Variants in BOP1 observed in about 807,000 individuals in gnomAD.
BOP1 encodes the protein ribosome biogenesis protein BOP1.
A neutral mutation model predicts 82.9 loss-of-function variants in BOP1; 54 were observed. The ratio of observed to expected loss-of-function variants is 0.65; its 90% CI spans 0.52 to 0.82. The LOEUF is 0.82. Among genes scored for constraint, BOP1 ranks in the 40% least tolerant of loss-of-function variants. The pLI, the probability that BOP1 is intolerant of heterozygous loss-of-function variation, is 0.00. For missense variants in BOP1, 1,170 were observed against 1,072.0 expected (o/e 1.09, Z -1.28); for synonymous variants, 566 against 451.1 (o/e 1.25, Z -3.23).
At chr8:144,271,168 C>G (rs1845486015) in intron 3 of BOP1, among the ~76,000 whole-genome samples, 1 of 152,224 alleles carries the variant, frequency 6.6e-6, no homozygotes, top group Non-Finnish European at 1.5e-5. Context: ...CCAGCCCAGA[C>G]TGCACCGGAC....
chr8:144,265,149 G>A lies in BOP1; in HGVS notation c.391-78C>T. The A allele has an allele frequency of 1.9e-6, 3 of 1,540,318 alleles. No individual in the cohort carries two copies. In the South Asian group the frequency reaches 3.7e-5, roughly 19 times the overall value. On this transcript the variant is annotated intron_variant, in intron 3 of 15. Coordinates refer to ENST00000569669, the MANE Select transcript of BOP1 (RefSeq NM_015201.5). ...CTTCGGGCCGCCCAGGGGAGCAGGTGAGGGGGTTGCAGGGGGAGTGCAGGC... is the reference window on the plus strand; with the variant it reads ...CTTCGGGCCGCCCAGGGGAGCAGGTAAGGGGGTTGCAGGGGGAGTGCAGGC...
chr8:144,266,699 G>GCAGCGA, intron 3 of BOP1: 5 of 1,230,870 alleles, frequency 4.1e-6, no homozygotes, highest in Non-Finnish European at 5.2e-6. Flanking sequence ...GAGGACCGCG[G>GCAGCGA]CAGCGACAGC....
intron 3 of BOP1, among the ~76,000 whole-genome samples, chr8:144,273,376 G>C (rs1359235330): frequency 4.7e-5 from 7 of 149,958 alleles, no homozygotes; most frequent in Admixed American, 4.6e-4. Context: ...CTGCACCCCA[G>C]CCCCAGACTC....
In BOP1 at chr8:144,264,111, T is replaced by G; in HGVS notation, c.1010A>C (p.Glu337Ala). The G allele has an allele frequency of 6.2e-7, 1 of 1,610,468 alleles. No homozygotes were observed. The highest frequency in any genetic ancestry group is 8.5e-7 in the Non-Finnish European group (1 of 1,179,284). The change falls in exon 8 of 16, where the codon GAG (glutamate) becomes GCG (alanine). Residue 337 changes from glutamate to alanine, a missense_variant. Transcript: ENST00000569669. Reference protein sequence around the residue: ...RLAWEQQEPGERKLSFLPRKF... With the variant: ...RLAWEQQEPGARKLSFLPRKF... ...GCGTGGCAAAAAGCTCAGCTTCCTC[T>G]CGCCTGGCTCCTGCTGTTCCCACGC... is the stretch of plus-strand genomic sequence containing the variant.
At chr8:144,265,162 G>A in intron 3 of BOP1, 91 bp from the exon 4 acceptor site, 2 of 1,447,028 alleles carry the variant, frequency 1.4e-6, no homozygotes, top group Non-Finnish European at 9.4e-7. Context: ...GGGGTTGCAG[G>A]GGGAGTGCAG....
chr8:144,275,154 C>G (rs1845549772), intron 3 of BOP1, among the ~76,000 whole-genome samples: 1 of 152,062 alleles, frequency 6.6e-6, no homozygotes, highest in African/African-American at 2.4e-5. Context: ...GGGGACAGTT[C>G]CTGACAGGCA....
chr8:144,278,126 C>A (rs943578913), intron 2 of BOP1, among the ~76,000 whole-genome samples: 7 of 152,132 alleles, frequency 4.6e-5, no homozygotes, highest in Non-Finnish European at 1.0e-4. Flanking sequence ...ACGAGAGTTG[C>A]GTGAGGGTGA....
At chr8:144,270,724 G>A (rs989181842) in intron 3 of BOP1, among the ~76,000 whole-genome samples, 2 of 152,138 alleles carry the variant, frequency 1.3e-5, no homozygotes, top group Non-Finnish European at 2.9e-5. Flanking sequence ...CCGGGCAGAC[G>A]AGTGGCAGGT....
intron 2 of BOP1, among the ~76,000 whole-genome samples, chr8:144,283,763 G>A (rs74632328): frequency 6.6e-6 from 1 of 152,238 alleles, no homozygotes; most frequent in African/African-American, 2.4e-5. Flanking sequence ...GCTGAGGGGC[G>A]GCTGCAGTAG....
chr8:144,275,320 G>T (rs1288390099), intron 3 of BOP1, among the ~76,000 whole-genome samples: 2 of 152,194 alleles, frequency 1.3e-5, no homozygotes, highest in African/African-American at 2.4e-5. Context: ...GGTATAGGCA[G>T]GCACTGCCTC....
At chr8:144,274,976 C>T (rs1452104398) in intron 3 of BOP1, among the ~76,000 whole-genome samples, 1 of 152,210 alleles carries the variant, frequency 6.6e-6, no homozygotes, top group African/African-American at 2.4e-5. Context: ...AGTGAGCCCG[C>T]TGCTCCGGCC....
chr8:144,288,719 T>C (rs979198282), intron 2 of BOP1, among the ~76,000 whole-genome samples: 2 of 151,898 alleles, frequency 1.3e-5, no homozygotes, highest in Non-Finnish European at 1.5e-5. Flanking sequence ...CTGGGTTCCG[T>C]TGGGGCCCCC....
chr8:144,263,947 T>C (rs1261343808), intron 8 of BOP1, 34 bp downstream of exon 8: 1 of 1,611,022 alleles, frequency 6.2e-7, no homozygotes, highest in East Asian at 2.2e-5. Flanking sequence ...CCTTGCCCCC[T>C]GTGCCACCCC....
intron 3 of BOP1, among the ~76,000 whole-genome samples, chr8:144,267,686 G>A (rs962708852): frequency 6.6e-6 from 1 of 152,202 alleles, no homozygotes; most frequent in East Asian, 1.9e-4. Context: ...AGGGCTGCCC[G>A]AGACGTGGGC....
chr8:144,263,419 A>T lies in BOP1; in HGVS notation c.1425-18T>A. The T allele has an allele frequency of 6.3e-7, 1 of 1,597,804 alleles. No individual in the cohort carries two copies. ...AGTCCTCCCTGTGAGCCAGGCCCAGACACGGCCCCTAAGCACAGTGCCACC... is the reference window on the plus strand; with the variant it reads ...AGTCCTCCCTGTGAGCCAGGCCCAGTCACGGCCCCTAAGCACAGTGCCACC... On this transcript the variant is annotated intron_variant, in intron 11 of 15. Coordinates refer to ENST00000569669, the MANE Select transcript of BOP1 (RefSeq NM_015201.5).
chr8:144,285,021 C>T lies in BOP1; in HGVS notation c.309+4074G>A, dbSNP rs1438551334. ...CTGTGGGGCTCTCCGCAGGACGCCCCGGGCCGGTCTGGGTTGGTTTGGGGC... is the reference window on the plus strand; with the variant it reads ...CTGTGGGGCTCTCCGCAGGACGCCCTGGGCCGGTCTGGGTTGGTTTGGGGC... On this transcript the variant is annotated intron_variant, in intron 2 of 15. Transcript: ENST00000569669. Among the ~76,000 whole-genome samples the T allele has an allele frequency of 3.9e-5, 6 of 152,272 alleles. 1 individual carries two copies. In the Middle Eastern group the frequency reaches 0.01, roughly 259 times the overall value.
chr8:144,289,386 C>T (rs1400558987), intron 1 of BOP1, 82 bp from the exon 2 acceptor site: 9 of 1,429,358 alleles, frequency 6.3e-6, no homozygotes, highest in East Asian at 5.0e-5. Context: ...GCCTCTCGCC[C>T]CTCCAGCCAC....
chr8:144,276,658 C>T (rs1230315593), intron 2 of BOP1, among the ~76,000 whole-genome samples: 2 of 152,216 alleles, frequency 1.3e-5, no homozygotes, highest in Non-Finnish European at 2.9e-5. Context: ...ACCCGTACCC[C>T]CATTCATGTC....
rs938005472 is a variant in BOP1 at position 144,262,368 on chromosome 8, G to C, written c.2087+28C>G. ...CACGGCCAGACACCACTGCCCTGGG[G>C]AGGGGGCCAGGCAGGGTCAGCACTC... On this transcript the variant is annotated intron_variant, in intron 15 of 15. Transcript: ENST00000569669. 61 of 1,612,566 alleles carry C rather than the reference G, an allele frequency of 3.8e-5. 1 individual carries two copies. In the African/African-American group the frequency reaches 6.4e-4, roughly 17 times the overall value.
Sources: gnomAD v4.1 joint callset for allele counts (sites outside exome capture counted in the v4.1 genomes callset) on GRCh38, gnomAD v4.1.1 for gene constraint, MANE v1.5 for transcripts, NCBI Gene and HGNC (gene_info 2026-07-23, HGNC 2026-07-21) for gene names.